The following FEM1C variants were observed in gnomAD, a reference collection of about 807,000 sequenced individuals.
FEM1C encodes fem-1 homolog C, also known as protein fem-1 homolog C.
Under a neutral mutation model 37.6 loss-of-function variants are expected in FEM1C, and 15 were observed. The observed-to-expected ratio is 0.40, with a 90% CI of 0.27 to 0.61. FEM1C has a LOEUF of 0.61. FEM1C is among the 20% of genes least tolerant of loss of function. The probability of loss-of-function intolerance (pLI) is 0.42; values close to 1 mark genes in which losing one functional copy is unlikely to be tolerated. For synonymous variants in FEM1C, 287 were observed against 272.8 expected, an observed-to-expected ratio of 1.05 and a Z score of -0.51; for missense variants, 532 against 749.7, an observed-to-expected ratio of 0.71 and a Z score of 3.39.
At chr5:115,542,855 A>G in intron 2 of FEM1C, 95 bp downstream of exon 2, 1 of 1,447,182 alleles carries the variant, frequency 6.9e-7, no homozygotes, top group Non-Finnish European at 9.4e-7. Flanking sequence ...AGGTCTGTCA[A>G]TGCTGGTTTA....
At chr5:115,533,956 T>A (rs1026653864) in intron 2 of FEM1C, among the ~76,000 whole-genome samples, 1 of 151,754 alleles carries the variant, frequency 6.6e-6, no homozygotes, top group Non-Finnish European at 1.5e-5. Flanking sequence ...AAAAAAAAAT[T>A]TCATGATTTC....
rs185734277 is a variant in FEM1C at position 115,542,222 on chromosome 5, C to T, written c.544+728G>A. 4.5e-3 allele frequency among the ~76,000 whole-genome samples: 690 copies of T among 152,256 alleles called. 9 individuals carry two copies. Among genetic ancestry groups the T allele is most frequent in the African/African-American group, 0.015 (643 of 41,572 alleles). The stretch of plus-strand genomic sequence containing the variant: ...ACAATCAACAAAAATTATACACAAT[C>T]AAAAACCGGAGCCCTTCTTCTGGAC... On this transcript the variant is annotated intron_variant, in intron 2 of 2. Transcript: ENST00000274457.
At position 115,524,610 on chromosome 5, in the gene FEM1C, C is replaced by G; in HGVS notation, c.1552G>C (p.Gly518Arg). ...GAGTCTCTGACGTTCACATCAGCAC[C>G]ACATTCTATCAGTATTGCAGTAACT... is the stretch of plus-strand genomic sequence containing the variant. ...LQVTAILIEC[G>R]ADVNVRDSDD... is the part of the protein sequence containing the mutation. The change falls in exon 3 of 3, where the codon GGT becomes CGT. Residue 518 changes from glycine to arginine, a missense_variant. Gly to Arg is a moderately radical substitution (Grantham distance 125, BLOSUM62 -2). This residue lies in a region of FEM1C where 237 missense variants were observed against 260.5 expected (regional missense o/e 0.91). Coordinates refer to ENST00000274457, the MANE Select transcript of FEM1C (RefSeq NM_020177.3). The G allele has an allele frequency of 1.2e-6, 2 of 1,606,306 alleles. No homozygotes were observed. The highest frequency in any genetic ancestry group is 1.7e-6 in the Non-Finnish European group (2 of 1,176,774).
intron 1 of FEM1C, chr5:115,543,929 A>G: frequency 2.0e-6 from 2 of 985,374 alleles, no homozygotes; most frequent in Non-Finnish European, 2.4e-6. Flanking sequence ...CACTACAGGC[A>G]GCCCGTTTTC....
Position 115,523,478 on chromosome 5 carries a change from C to T in FEM1C, c.*830G>A, listed in dbSNP as rs1275863087. 6.6e-6 allele frequency: 1 copy of T among 152,428 alleles called. No homozygotes were observed. The highest frequency in any genetic ancestry group is 2.4e-5 in the African/African-American group (1 of 41,422). The allele number at this position is 152,428 out of a possible 1,614,324, so 9.4% of individuals were successfully genotyped here. On this transcript the variant is annotated 3_prime_UTR_variant, in exon 3 of 3. Coordinates refer to ENST00000274457, the MANE Select transcript of FEM1C (RefSeq NM_020177.3). The stretch of plus-strand genomic sequence containing the variant: ...TTTACTGCATGATATATTAAGATGA[C>T]AGACCTAAATTTCAACTGGGTTAAT...
intron 2 of FEM1C, among the ~76,000 whole-genome samples, chr5:115,534,947 T>C (rs927731425): frequency 6.6e-6 from 1 of 151,940 alleles, no homozygotes; most frequent in African/African-American, 2.4e-5. Context: ...ATATATCTAA[T>C]AGCAATATCA....
Position 115,524,638 on chromosome 5 carries a change from T to C in FEM1C, c.1524A>G (p.Leu508=), listed in dbSNP as rs144356594. The C allele has an allele frequency of 3.8e-6, 6 of 1,579,640 alleles. No homozygotes were observed. The highest frequency in any genetic ancestry group is 2.7e-5 in the African/African-American group (2 of 73,490). ...ATTCTATCAGTATTGCAGTAACTTG[T>C]AGAGATGGAAATTTACAAACAGGGT... is the stretch of plus-strand genomic sequence containing the variant. The part of the protein sequence containing the change: ...GRYPVCKFPS[L]QVTAILIECG... Residue 508 remains leucine (L), a synonymous_variant, in exon 3 of 3, where the codon CTA becomes CTG. Transcript: ENST00000274457.
At chr5:115,542,000 T>A (rs1754251678) in intron 2 of FEM1C, among the ~76,000 whole-genome samples, 1 of 152,056 alleles carries the variant, frequency 6.6e-6, no homozygotes, top group Non-Finnish European at 1.5e-5. Flanking sequence ...CACTGTTTGA[T>A]TTTTTTTAAC....
chr5:115,534,246 T>A (rs1754074665), intron 2 of FEM1C, among the ~76,000 whole-genome samples: 1 of 151,934 alleles, frequency 6.6e-6, no homozygotes, highest in Non-Finnish European at 1.5e-5. Context: ...TCAAGAAGCA[T>A]CTGAAGTGCC....
intron 2 of FEM1C, among the ~76,000 whole-genome samples, chr5:115,532,256 A>AGGT (rs1381993678): frequency 6.6e-6 from 1 of 152,146 alleles, no homozygotes; most frequent in Non-Finnish European, 1.5e-5. Flanking sequence ...GTCTATTCTT[A>AGGT]AAGTATACAG....
chr5:115,539,414 G>C (rs1754194740), intron 2 of FEM1C, among the ~76,000 whole-genome samples: 1 of 152,060 alleles, frequency 6.6e-6, no homozygotes, highest in South Asian at 2.1e-4. Flanking sequence ...CACTGTGATA[G>C]CTCTGAGAAG....
In FEM1C at chr5:115,521,212, AT is replaced by A. The variant is rs2127167111; in HGVS notation, c.*3095del. The A allele has an allele frequency of 6.6e-6, 1 of 151,954 alleles. No individual in the cohort carries two copies. Among genetic ancestry groups the A allele is most frequent in the East Asian group, 1.9e-4 (1 of 5,186 alleles). 9.4% of individuals were successfully genotyped at this position (151,954 alleles called of 1,614,324 possible). On this transcript the variant is annotated 3_prime_UTR_variant, in exon 3 of 3. Coordinates refer to ENST00000274457, the MANE Select transcript of FEM1C (RefSeq NM_020177.3). Reference sequence around the variant, plus strand: ...TTACAGTGTAAAAGAGTATGTCATTATCTCATCCAGCCTGCACAATTCTAAG... The same window carrying A: ...TTACAGTGTAAAAGAGTATGTCATTACTCATCCAGCCTGCACAATTCTAAG...
intron 2 of FEM1C, among the ~76,000 whole-genome samples, chr5:115,536,632 G>C (rs1321217343): frequency 1.3e-5 from 2 of 151,862 alleles, no homozygotes; most frequent in Admixed American, 1.3e-4. Context: ...TGCTTAGAAT[G>C]TTTCCCTTCC....
At chr5:115,538,989 A>C (rs1754185631) in intron 2 of FEM1C, among the ~76,000 whole-genome samples, 2 of 152,002 alleles carry the variant, frequency 1.3e-5, no homozygotes, top group South Asian at 2.1e-4. Flanking sequence ...CTAAAATCCT[A>C]TAGCATGGAT....
chr5:115,528,213 A>C (rs1024693207), intron 2 of FEM1C, among the ~76,000 whole-genome samples: 1 of 152,108 alleles, frequency 6.6e-6, no homozygotes, highest in Non-Finnish European at 1.5e-5. Context: ...ACAACTAAAA[A>C]AACTGAAAAA....
intron 1 of FEM1C, 125 bp from the exon 2 acceptor site, chr5:115,543,808 CA>C: frequency 1.9e-6 from 2 of 1,042,616 alleles, no homozygotes; most frequent in Non-Finnish European, 1.1e-6. Flanking sequence ...CTCCATCCCA[CA>C]CACCCCCCCC....
intron 2 of FEM1C, among the ~76,000 whole-genome samples, chr5:115,529,640 A>G (rs1207240809): frequency 6.6e-6 from 1 of 152,100 alleles, no homozygotes; most frequent in African/African-American, 2.4e-5. Context: ...CTAAATAAAT[A>G]CTGATTTTAA....
chr5:115,522,969 AAGAGAAAGAAAGAGTG>A lies in FEM1C; in HGVS notation c.*1323_*1338del, dbSNP rs1753807018. The A allele has an allele frequency of 1.3e-5, 2 of 152,090 alleles. No homozygotes were observed. Among genetic ancestry groups the A allele is most frequent in the African/African-American group, 2.4e-5 (1 of 41,352 alleles). 9.4% of individuals were successfully genotyped at this position (152,090 alleles called of 1,614,324 possible). ...AGAGAGAGAGAGAGAGAGAAAGAGA[AAGAGAAAGAAAGAGTG>A]AGAGAAAGAAAGGAAGAAAGAGAAA... On this transcript the variant is annotated 3_prime_UTR_variant, in exon 3 of 3. Transcript: ENST00000274457.
intron 2 of FEM1C, among the ~76,000 whole-genome samples, chr5:115,529,684 T>C (rs1753976381): frequency 6.6e-6 from 1 of 151,976 alleles, no homozygotes; most frequent in African/African-American, 2.4e-5. Flanking sequence ...AATACATACA[T>C]AGAAATAAAA....
Sources: allele counts gnomAD v4.1 joint callset (sites outside exome capture counted in the v4.1 genomes callset), GRCh38; gene constraint gnomAD v4.1.1; regional missense constraint gnomAD v4.1.1; transcripts MANE v1.5; gene names NCBI Gene and HGNC (gene_info 2026-07-23, HGNC 2026-07-21).